Variants in RAB31 observed in about 807,000 individuals in gnomAD.
RAB31 encodes the protein ras-related protein Rab-31.
In RAB31, 21 loss-of-function variants were observed where a neutral mutation model predicts 25.6. The observed-to-expected ratio is 0.82, with a 90% CI of 0.58 to 1.18. RAB31 has a LOEUF of 1.18. Among genes scored for constraint, RAB31 ranks in the 50% most tolerant of loss-of-function variants. The pLI is 0.00. For missense variants in RAB31, 196 were observed against 250.1 expected, an observed-to-expected ratio of 0.78 and a Z score of 1.46; for synonymous variants, 87 against 84.0, an observed-to-expected ratio of 1.04 and a Z score of -0.20.
intron 2 of RAB31, among the ~76,000 whole-genome samples, chr18:9,786,375 C>T (rs765303042): frequency 3.9e-5 from 6 of 152,198 alleles, no homozygotes; most frequent in Non-Finnish European, 7.3e-5. Flanking sequence ...AGAAACTGGT[C>T]ACTATAAGTA....
chr18:9,840,754 G>A lies in RAB31; in HGVS notation c.381-4828G>A, dbSNP rs751503783. Among the ~76,000 whole-genome samples the A allele has an allele frequency of 3.3e-4, 50 of 152,182 alleles. No homozygotes were observed. The East Asian group carries it at 4.4e-3, about 14-fold the overall frequency. ...TTTCAGACTAGAGCTGCAAGTTTCT[G>A]GTATCCCCAAGTTATCTGCATTTCT... On this transcript the variant is annotated intron_variant, in intron 5 of 6. Transcript: ENST00000578921.
rs1410552591 is a variant in RAB31, at chr18:9,775,347, C to A, written c.109C>A (p.Pro37Thr). 1 of 1,613,704 alleles carries A rather than the reference C, an allele frequency of 6.2e-7. No individual in the cohort carries two copies. Among genetic ancestry groups the A allele is most frequent in the African/African-American group, 1.3e-5 (1 of 74,904 alleles). Residue 37 changes from proline to threonine, a missense_variant, in exon 2 of 7, where the codon CCT becomes ACT. Physicochemically the swap from Pro to Thr is conservative, Grantham distance 38 (BLOSUM62 -1). Coordinates refer to ENST00000578921, the MANE Select transcript of RAB31 (RefSeq NM_006868.4). ...VQDHFDHNIS[P>T]TIGASFMTKT... ...GGATCACTTTGACCACAACATCAGC[C>A]CTACTATTGGGTAAGTTCCTGTATG...
intron 1 of RAB31, among the ~76,000 whole-genome samples, chr18:9,739,922 C>A (rs1236081674): frequency 6.6e-6 from 1 of 152,250 alleles, no homozygotes; most frequent in Non-Finnish European, 1.5e-5. Context: ...AGAGCCCCAG[C>A]AGTTTCTCTC....
chr18:9,781,608 C>A (rs2068405221), intron 2 of RAB31, among the ~76,000 whole-genome samples: 1 of 152,236 alleles, frequency 6.6e-6, no homozygotes, highest in Admixed American at 6.5e-5. Context: ...CGCGCCCAGC[C>A]CTGTTCGCTT....
At chr18:9,760,254 G>A (rs1368379569) in intron 1 of RAB31, among the ~76,000 whole-genome samples, 2 of 151,494 alleles carry the variant, frequency 1.3e-5, no homozygotes, top group Non-Finnish European at 2.9e-5. Context: ...GCTCACTGCA[G>A]CCTCGACCTC....
At chr18:9,719,815 T>C (rs2068065479) in intron 1 of RAB31, among the ~76,000 whole-genome samples, 1 of 152,166 alleles carries the variant, frequency 6.6e-6, no homozygotes, top group Admixed American at 6.5e-5. Flanking sequence ...GGCTTCGCTT[T>C]TACAGGAAAG....
intron 2 of RAB31, among the ~76,000 whole-genome samples, chr18:9,778,399 G>A (rs1412434972): frequency 1.3e-5 from 2 of 152,138 alleles, no homozygotes; most frequent in Admixed American, 6.5e-5. Flanking sequence ...TATTACAATT[G>A]ACCCTTGAAC....
intron 3 of RAB31, among the ~76,000 whole-genome samples, chr18:9,797,785 G>C (rs530623206): frequency 1.4e-4 from 22 of 152,304 alleles, no homozygotes; most frequent in Non-Finnish European, 2.8e-4. Flanking sequence ...ATAACCTGCT[G>C]TTTTCATTTG....
intron 1 of RAB31, among the ~76,000 whole-genome samples, chr18:9,754,967 A>G (rs942233503): frequency 1.3e-5 from 2 of 152,156 alleles, no homozygotes; most frequent in South Asian, 2.1e-4. Context: ...GGTGTTTGTG[A>G]AGAGGCAGGA....
chr18:9,836,642 C>T (rs1255469831), intron 5 of RAB31, among the ~76,000 whole-genome samples: 1 of 150,930 alleles, frequency 6.6e-6, no homozygotes, highest in South Asian at 2.1e-4. Context: ...GCCCAGTAGA[C>T]ATTCCGATTC....
At chr18:9,814,921 A>G (rs982722485) in intron 4 of RAB31, 195 bp from the exon 5 acceptor site, 4 of 413,416 alleles carry the variant, frequency 9.7e-6, no homozygotes, top group Non-Finnish European at 1.7e-5. Flanking sequence ...TTAATTTTAG[A>G]AAACTTGATA....
chr18:9,728,758 G>A (rs948410916), intron 1 of RAB31, among the ~76,000 whole-genome samples: 1 of 152,072 alleles, frequency 6.6e-6, no homozygotes, highest in African/African-American at 2.4e-5. Flanking sequence ...GGCTGGTCTC[G>A]AACTCCTGAC....
At chr18:9,750,898 A>G (rs1366471057) in intron 1 of RAB31, among the ~76,000 whole-genome samples, 1 of 152,132 alleles carries the variant, frequency 6.6e-6, no homozygotes, top group Non-Finnish European at 1.5e-5. Flanking sequence ...GGGGCAATGT[A>G]CTGTTGCTCC....
At chr18:9,713,781 A>G (rs9967201) in intron 1 of RAB31, among the ~76,000 whole-genome samples, 10,126 of 152,278 alleles carry the variant, frequency 0.066, 1,181 homozygotes, top group African/African-American at 0.23. Context: ...TGGGAAGTCT[A>G]AGACCAAGGC....
chr18:9,860,471 CT>C lies in RAB31; in HGVS notation c.*1150del, dbSNP rs2068841375. ...AGAATGGGCTCCGATGAAAACCTTCCTTTTCAGATTCCCTGTCTGCTCAATT... is the reference window on the plus strand; with the variant it reads ...AGAATGGGCTCCGATGAAAACCTTCCTTTCAGATTCCCTGTCTGCTCAATT... On this transcript the variant is annotated 3_prime_UTR_variant, in exon 7 of 7. Coordinates refer to ENST00000578921, the MANE Select transcript of RAB31 (RefSeq NM_006868.4). 2 of 152,184 alleles carry C rather than the reference CT, an allele frequency of 1.3e-5. No individual in the cohort carries two copies. Among genetic ancestry groups the C allele is most frequent in the Non-Finnish European group, 2.9e-5 (2 of 68,038 alleles). The allele number at this position is 152,184 out of a possible 1,614,324, so 9.4% of individuals were successfully genotyped here.
chr18:9,762,602 C>A (rs1231658087), intron 1 of RAB31, among the ~76,000 whole-genome samples: 1 of 152,140 alleles, frequency 6.6e-6, no homozygotes, highest in Non-Finnish European at 1.5e-5. Context: ...AGGCCACATT[C>A]TCTATTTCTG....
At chr18:9,778,956 A>G (rs2068388206) in intron 2 of RAB31, among the ~76,000 whole-genome samples, 1 of 152,238 alleles carries the variant, frequency 6.6e-6, no homozygotes, top group Non-Finnish European at 1.5e-5. Flanking sequence ...GGAAGCGAAA[A>G]TATATTTACT....
At chr18:9,857,424 C>T (rs568205642) in intron 6 of RAB31, among the ~76,000 whole-genome samples, 3 of 152,148 alleles carry the variant, frequency 2.0e-5, no homozygotes, top group South Asian at 2.1e-4. Flanking sequence ...GTCAGTATTC[C>T]GTGCTATCAG....
intron 3 of RAB31, among the ~76,000 whole-genome samples, chr18:9,811,560 C>T (rs1479911987): frequency 6.6e-6 from 1 of 152,184 alleles, no homozygotes; most frequent in Non-Finnish European, 1.5e-5. Flanking sequence ...ATAAAAACAG[C>T]TGCTTTGTTC....
Sources: gnomAD v4.1 joint callset for allele counts (sites outside exome capture counted in the v4.1 genomes callset) on GRCh38, gnomAD v4.1.1 for gene constraint, MANE v1.5 for transcripts, NCBI Gene and HGNC (gene_info 2026-07-23, HGNC 2026-07-21) for gene names.